Variants in TBPL1 observed in about 807,000 individuals in gnomAD.
TBPL1 encodes TATA-box binding protein like 1.
A neutral mutation model predicts 22.1 loss-of-function variants in TBPL1; 4 were observed. The ratio of observed to expected loss-of-function variants is 0.18; its 90% confidence interval spans 0.09 to 0.41. TBPL1 has a LOEUF of 0.41. Ranked by LOEUF, TBPL1 falls within the 10% of genes least tolerant of loss-of-function variation. The pLI, the probability that TBPL1 is intolerant of heterozygous loss-of-function variation, is 1.00. For missense variants in TBPL1, 115 were observed against 222.3 expected (o/e 0.52, Z 3.07); for synonymous variants, 64 against 71.0 (o/e 0.90, Z 0.50).
intron 1 of TBPL1, among the ~76,000 whole-genome samples, chr6:133,974,697 A>G (rs976028787): frequency 1.3e-5 from 2 of 152,238 alleles, no homozygotes; most frequent in African/African-American, 4.8e-5. Flanking sequence ...AATTATCTGA[A>G]TACACACAGC....
intron 1 of TBPL1, among the ~76,000 whole-genome samples, chr6:133,976,109 T>C (rs1336005546): frequency 2.0e-5 from 3 of 152,212 alleles, no homozygotes; most frequent in Non-Finnish European, 4.4e-5. Flanking sequence ...TCATGAATGT[T>C]GTGTCAAAGG....
At chr6:133,962,189 A>G (rs1474973017) in intron 1 of TBPL1, among the ~76,000 whole-genome samples, 2 of 152,308 alleles carry the variant, frequency 1.3e-5, no homozygotes, top group East Asian at 1.9e-4. Context: ...GGGGGTGGGA[A>G]GTCCACTGCA....
chr6:133,987,049 T>A lies in TBPL1; in HGVS notation c.*9T>A. ...GGAAAGAAATTTTATAATTCACCAC[T>A]TAATTGGTTAGAATCTCTAACTGAG... is the stretch of plus-strand genomic sequence containing the variant. On this transcript the variant is annotated 3_prime_UTR_variant, in exon 7 of 7. Coordinates refer to ENST00000237264, the MANE Select transcript of TBPL1 (RefSeq NM_004865.4). 1 of 1,601,868 alleles carries A rather than the reference T, an allele frequency of 6.2e-7. No homozygotes were observed. Among genetic ancestry groups the A allele is most frequent in the Non-Finnish European group, 8.5e-7 (1 of 1,172,620 alleles).
At chr6:133,957,187 G>A (rs1418746716) in intron 1 of TBPL1, among the ~76,000 whole-genome samples, 1 of 152,164 alleles carries the variant, frequency 6.6e-6, no homozygotes, top group African/African-American at 2.4e-5. Flanking sequence ...AACTCAATAG[G>A]GTGATTTCTG....
intron 1 of TBPL1, among the ~76,000 whole-genome samples, chr6:133,953,661 G>A (rs1359249407): frequency 6.6e-6 from 1 of 152,106 alleles, no homozygotes; most frequent in Non-Finnish European, 1.5e-5. Context: ...ATCTCTTTAG[G>A]GATAACGGGT....
rs150550268 is a variant in TBPL1, at chr6:133,959,799, A to G, written c.-45+6374A>G. On this transcript the variant is annotated intron_variant, in intron 1 of 6. Transcript: ENST00000237264. ...CACCTGGCCACCTAGTGTTCTTTCT[A>G]TCACACTCTTTTTCAGGGACAGATG... 1.2e-3 allele frequency among the ~76,000 whole-genome samples: 185 copies of G among 152,282 alleles called. 1 individual carries two copies. Among genetic ancestry groups the G allele is most frequent in the African/African-American group, 3.8e-3 (159 of 41,564 alleles).
chr6:133,974,840 A>G (rs1373223177), intron 1 of TBPL1, among the ~76,000 whole-genome samples: 2 of 152,182 alleles, frequency 1.3e-5, no homozygotes, highest in African/African-American at 4.8e-5. Flanking sequence ...CATTTCCTCA[A>G]TTACTAGTAA....
intron 1 of TBPL1, among the ~76,000 whole-genome samples, chr6:133,955,084 T>G (rs1210336938): frequency 6.6e-6 from 1 of 151,990 alleles, no homozygotes; most frequent in Non-Finnish European, 1.5e-5. Flanking sequence ...GACTGTTGCT[T>G]AATCTTTGTA....
At position 133,989,641 on chromosome 6, in the gene TBPL1, TATACAG is replaced by T. The variant is rs1776592086; in HGVS notation, c.*2605_*2610del. 1 of 152,234 alleles carries T rather than the reference TATACAG, an allele frequency of 6.6e-6. No individual in the cohort carries two copies. The highest frequency in any genetic ancestry group is 1.5e-5 in the Non-Finnish European group (1 of 68,032). 9.4% of individuals were successfully genotyped at this position (152,234 alleles called of 1,614,324 possible). ...CTTTTAGCTTCCCCCTGCCAATTTT[TATACAG>T]ATAATACACTGCAGATCCAGGCCTT... is the stretch of plus-strand genomic sequence containing the variant. On this transcript the variant is annotated 3_prime_UTR_variant, in exon 7 of 7. Transcript: ENST00000237264.
intron 1 of TBPL1, among the ~76,000 whole-genome samples, chr6:133,964,517 C>G (rs1296962511): frequency 6.7e-6 from 1 of 149,860 alleles, no homozygotes; most frequent in East Asian, 2.0e-4. Context: ...GTGGCACCAT[C>G]TTGGCTCACT....
rs182694560 is a variant in TBPL1 at position 133,980,373 on chromosome 6, G to A, written c.135+113G>A. 292 of 1,218,018 alleles carry A rather than the reference G, an allele frequency of 2.4e-4. 3 individuals are homozygous for A. In the East Asian group the frequency reaches 7.2e-3, roughly 30 times the overall value. The allele number at this position is 1,218,018 out of a possible 1,614,324, so 75.5% of individuals were successfully genotyped here. On this transcript the variant is annotated intron_variant, in intron 2 of 6. Coordinates refer to ENST00000237264, the MANE Select transcript of TBPL1 (RefSeq NM_004865.4). Reference sequence around the variant, plus strand: ...GTTTATGAGCACCTTACCATGTGCTGGTTGTCCTGGATACAGAAGTGAGCC... The same window carrying A: ...GTTTATGAGCACCTTACCATGTGCTAGTTGTCCTGGATACAGAAGTGAGCC...
At chr6:133,954,711 A>T (rs918782878) in intron 1 of TBPL1, among the ~76,000 whole-genome samples, 1 of 152,214 alleles carries the variant, frequency 6.6e-6, no homozygotes, top group African/African-American at 2.4e-5. Flanking sequence ...GGTCAACCAC[A>T]GCTTCTGTTT....
At position 133,984,499 on chromosome 6, in the gene TBPL1, T is replaced by C; in HGVS notation, c.386+20T>C. 6.2e-7 allele frequency: 1 copy of C among 1,612,396 alleles called. No homozygotes were observed. Among genetic ancestry groups the C allele is most frequent in the Non-Finnish European group, 8.5e-7 (1 of 1,178,942 alleles). On this transcript the variant is annotated intron_variant, in intron 5 of 6. Coordinates refer to ENST00000237264, the MANE Select transcript of TBPL1 (RefSeq NM_004865.4). ...TGCCAGGTAAGTCTTTGAAGCAATT[T>C]ATCTTGAGAAATTACCAAATTTGAA...
At chr6:133,954,238 G>A (rs1775888602) in intron 1 of TBPL1, among the ~76,000 whole-genome samples, 1 of 152,222 alleles carries the variant, frequency 6.6e-6, no homozygotes, top group Non-Finnish European at 1.5e-5. Flanking sequence ...GTTCCAAAGC[G>A]ACACTGGCAG....
intron 3 of TBPL1, 38 bp from the exon 4 acceptor site, chr6:133,982,779 G>T: frequency 1.9e-6 from 3 of 1,601,268 alleles, no homozygotes; most frequent in East Asian, 2.2e-5. Flanking sequence ...TTTATTTCCT[G>T]TGTAACTGAT....
chr6:133,969,138 TG>T (rs1431740758), intron 1 of TBPL1, among the ~76,000 whole-genome samples: 1 of 152,194 alleles, frequency 6.6e-6, no homozygotes, highest in African/African-American at 2.4e-5. Context: ...TGTAAACCAT[TG>T]AACTTATCTT....
chr6:133,976,659 A>G (rs1776317560), intron 1 of TBPL1, among the ~76,000 whole-genome samples: 2 of 152,174 alleles, frequency 1.3e-5, no homozygotes, highest in Non-Finnish European at 2.9e-5. Context: ...TAAAAATACA[A>G]GGGACATGTT....
rs9483638 is a variant in TBPL1, at chr6:133,985,335, T to C, written c.481+664T>C. ...ATATATATATATATATATATATATA[T>C]ATACACACATATATTTTCTGGTATA... On this transcript the variant is annotated intron_variant, in intron 6 of 6. Coordinates refer to ENST00000237264, the MANE Select transcript of TBPL1 (RefSeq NM_004865.4). Among the ~76,000 whole-genome samples, 838 of 106,566 alleles carry C rather than the reference T, an allele frequency of 7.9e-3. 64 individuals are homozygous for C. Among genetic ancestry groups the C allele is most frequent in the African/African-American group, 0.034 (793 of 23,064 alleles). 69.9% of individuals were successfully genotyped at this position (106,566 alleles called of 152,430 possible).
At chr6:133,967,522 C>T (rs917990653) in intron 1 of TBPL1, among the ~76,000 whole-genome samples, 1 of 152,098 alleles carries the variant, frequency 6.6e-6, no homozygotes, top group Non-Finnish European at 1.5e-5. Flanking sequence ...ATCACGTGAA[C>T]ATCATAGAGT....
Sources: allele counts gnomAD v4.1 joint callset (sites outside exome capture counted in the v4.1 genomes callset), GRCh38; gene constraint gnomAD v4.1.1; transcripts MANE v1.5; gene names NCBI Gene and HGNC (gene_info 2026-07-23, HGNC 2026-07-21).